Variants in SNX10 observed in about 807,000 individuals in gnomAD.
SNX10 encodes the protein sorting nexin 10, also known as sorting nexin-10.
In SNX10, 25 loss-of-function variants were observed where a neutral mutation model predicts 28.5. The observed-to-expected ratio is 0.88, with a 90% CI of 0.64 to 1.22. The LOEUF (loss-of-function observed/expected upper bound fraction) is 1.22, where lower values mean the gene tolerates loss of function less well. Among genes scored for constraint, SNX10 ranks in the 50% most tolerant of loss-of-function variants. The probability of loss-of-function intolerance (pLI) is 0.00; values close to 1 mark genes in which losing one functional copy is unlikely to be tolerated. For synonymous variants in SNX10, 62 were observed against 81.4 expected (o/e 0.76, Z 1.28); for missense variants, 223 against 242.6 (o/e 0.92, Z 0.54).
chr7:26,311,374 C>G (rs760884199), intron 1 of SNX10, among the ~76,000 whole-genome samples: 1 of 152,104 alleles, frequency 6.6e-6, no homozygotes, highest in South Asian at 2.1e-4. Context: ...TGGTCTGGAG[C>G]CCCTGGGCTC....
chr7:26,344,620 A>G (rs1355025890), intron 1 of SNX10, among the ~76,000 whole-genome samples: 1 of 151,940 alleles, frequency 6.6e-6, no homozygotes, highest in African/African-American at 2.4e-5. Flanking sequence ...GTCCTTTCCT[A>G]TCAGTTCCAC....
intron 2 of SNX10, among the ~76,000 whole-genome samples, chr7:26,356,190 A>G (rs1788811174): frequency 6.6e-6 from 1 of 152,224 alleles, no homozygotes; most frequent in Non-Finnish European, 1.5e-5. Context: ...ATCTTCAAAG[A>G]GTCTAGGAGT....
chr7:26,340,069 T>A (rs954013085), intron 1 of SNX10, among the ~76,000 whole-genome samples: 4 of 152,108 alleles, frequency 2.6e-5, no homozygotes, highest in African/African-American at 9.7e-5. Flanking sequence ...TGAAAAAATA[T>A]GTGATCCTTT....
At chr7:26,296,118 G>C (rs1292396879) in intron 1 of SNX10, among the ~76,000 whole-genome samples, 2 of 151,856 alleles carry the variant, frequency 1.3e-5, no homozygotes, top group Admixed American at 6.6e-5. Context: ...CTGCACAACA[G>C]AATTAGACTC....
chr7:26,343,852 C>G (rs1351332578), intron 1 of SNX10, among the ~76,000 whole-genome samples: 1 of 152,190 alleles, frequency 6.6e-6, no homozygotes, highest in Non-Finnish European at 1.5e-5. Context: ...GGCCTTTTTC[C>G]TTTTGCTTTC....
At chr7:26,321,181 C>G (rs1787294064) in intron 1 of SNX10, among the ~76,000 whole-genome samples, 1 of 152,160 alleles carries the variant, frequency 6.6e-6, no homozygotes, top group African/African-American at 2.4e-5. Context: ...TTTCTGTTTC[C>G]ATAAGGTAGG....
At chr7:26,325,814 A>G (rs899674819) in intron 1 of SNX10, among the ~76,000 whole-genome samples, 3 of 147,450 alleles carry the variant, frequency 2.0e-5, no homozygotes, top group Non-Finnish European at 4.5e-5. Flanking sequence ...TGCAACCTCT[A>G]CCTCCTGGGT....
chr7:26,303,558 C>T (rs1216882457), intron 1 of SNX10, among the ~76,000 whole-genome samples: 1 of 152,204 alleles, frequency 6.6e-6, no homozygotes, highest in African/African-American at 2.4e-5. Context: ...TTCCTCTACT[C>T]ATCTGGCCAC....
chr7:26,360,189 T>C (rs1186153876), intron 2 of SNX10, among the ~76,000 whole-genome samples: 1 of 152,236 alleles, frequency 6.6e-6, no homozygotes, highest in East Asian at 1.9e-4. Context: ...CTCATGTGGC[T>C]GGGATGCATG....
chr7:26,317,952 C>A (rs192229087), intron 1 of SNX10, among the ~76,000 whole-genome samples: 2 of 152,072 alleles, frequency 1.3e-5, no homozygotes, highest in Non-Finnish European at 2.9e-5. Context: ...TGAGCCACCA[C>A]GCCCGGCTTT....
intron 2 of SNX10, among the ~76,000 whole-genome samples, chr7:26,357,613 G>A (rs764382471): frequency 2.6e-4 from 40 of 152,122 alleles, no homozygotes; most frequent in Non-Finnish European, 3.8e-4. Context: ...CACTGGATAT[G>A]GGCCCCGAAA....
intron 5 of SNX10, among the ~76,000 whole-genome samples, chr7:26,368,033 G>A (rs1463705318): frequency 6.6e-6 from 1 of 152,190 alleles, no homozygotes; most frequent in African/African-American, 2.4e-5. Context: ...TGATACATAT[G>A]TAATAAGAAA....
chr7:26,307,075 C>T (rs2127995942), intron 1 of SNX10, among the ~76,000 whole-genome samples: 1 of 152,320 alleles, frequency 6.6e-6, no homozygotes. Context: ...ATCTTCATGA[C>T]AGAGGCACCG....
intron 1 of SNX10, among the ~76,000 whole-genome samples, chr7:26,304,552 A>G (rs1786509205): frequency 2.0e-5 from 3 of 152,134 alleles, no homozygotes; most frequent in South Asian, 2.1e-4. Context: ...GGAGAGGGTC[A>G]GGGGGGATTA....
At chr7:26,351,395 A>T (rs1209366321) in intron 2 of SNX10, among the ~76,000 whole-genome samples, 1 of 152,182 alleles carries the variant, frequency 6.6e-6, no homozygotes, top group Non-Finnish European at 1.5e-5. Context: ...TACCCTCTGA[A>T]ATAGGTAGCC....
In SNX10 at chr7:26,311,666, T is replaced by A. The variant is rs77747157; in HGVS notation, c.-24+19580T>A. Among the ~76,000 whole-genome samples, 712 of 152,198 alleles carry A rather than the reference T, an allele frequency of 4.7e-3. 7 individuals carry two copies. Among genetic ancestry groups the A allele is most frequent in the African/African-American group, 0.016 (683 of 41,506 alleles). On this transcript the variant is annotated intron_variant, in intron 1 of 6. Transcript: ENST00000338523. ...CATCTCTTACTTTTCAATTAAATTT[T>A]GAAGGGTTATAGAGGCACACTATAG... is the stretch of plus-strand genomic sequence containing the variant.
In SNX10 at chr7:26,301,750, A is replaced by G. The variant is rs75898209; in HGVS notation, c.-24+9664A>G. ...AGGAGATGCTACAGACATTTTCGAC[A>G]ATTCAGAGATATTTCATGACTTGAA... On this transcript the variant is annotated intron_variant, in intron 1 of 6. Coordinates refer to ENST00000338523, the MANE Select transcript of SNX10 (RefSeq NM_013322.3). 4.5e-3 allele frequency among the ~76,000 whole-genome samples: 690 copies of G among 152,292 alleles called. 21 individuals carry two copies. The East Asian group carries it at 0.082, about 18-fold the overall frequency.
At chr7:26,325,865 C>G (rs768491369) in intron 1 of SNX10, among the ~76,000 whole-genome samples, 1 of 151,650 alleles carries the variant, frequency 6.6e-6, no homozygotes, top group Non-Finnish European at 1.5e-5. Context: ...GTAGCTGATA[C>G]TACAGGTGTT....
At chr7:26,330,280 G>GGA (rs1055159999) in intron 1 of SNX10, among the ~76,000 whole-genome samples, 43 of 152,252 alleles carry the variant, frequency 2.8e-4, no homozygotes, top group African/African-American at 9.6e-4. Flanking sequence ...GCAGGAAGCT[G>GGA]GAGAGAAGCA....
Sources: gnomAD v4.1 joint callset for allele counts (sites outside exome capture counted in the v4.1 genomes callset) on GRCh38, gnomAD v4.1.1 for gene constraint, MANE v1.5 for transcripts, NCBI Gene and HGNC (gene_info 2026-07-23, HGNC 2026-07-21) for gene names.